CACNA1A: variants seen among roughly 807,000 people sequenced by gnomAD.
CACNA1A encodes voltage-dependent P/Q-type calcium channel subunit alpha-1A.
Under a neutral mutation model 262.4 loss-of-function variants are expected in CACNA1A, and 57 were observed. That is an observed-to-expected ratio of 0.22 (90% CI 0.18 to 0.27). The LOEUF (loss-of-function observed/expected upper bound fraction) is 0.27, where lower values mean the gene tolerates loss of function less well. Among genes scored for constraint, CACNA1A ranks in the 10% least tolerant of loss-of-function variants. The pLI is 1.00. For synonymous variants in CACNA1A, 1,431 were observed against 1,419.3 expected (o/e 1.01, Z -0.18); for missense variants, 2,526 against 3,562.8 (o/e 0.71, Z 7.41).
At chr19:13,404,885 ATAT>A (rs917162408) in intron 3 of CACNA1A, among the ~76,000 whole-genome samples, 5 of 152,012 alleles carry the variant, frequency 3.3e-5, no homozygotes, top group African/African-American at 1.2e-4. Context: ...GATAAAAATG[ATAT>A]TATTATTATT....
At chr19:13,251,001 G>GGCA (rs2056380363) in intron 30 of CACNA1A, among the ~76,000 whole-genome samples, 1 of 151,430 alleles carries the variant, frequency 6.6e-6, no homozygotes, top group East Asian at 2.0e-4. Context: ...GCATGCTGGT[G>GGCA]TGCATCTGTA....
chr19:13,279,135 G>C (rs768248204), intron 22 of CACNA1A, among the ~76,000 whole-genome samples: 1 of 152,150 alleles, frequency 6.6e-6, no homozygotes, highest in Non-Finnish European at 1.5e-5. Context: ...AAAGAAGGAA[G>C]AGAGGGAGCT....
intron 30 of CACNA1A, among the ~76,000 whole-genome samples, chr19:13,249,158 T>C (rs974278646): frequency 3.3e-5 from 5 of 152,192 alleles, no homozygotes; most frequent in African/African-American, 1.2e-4. Flanking sequence ...AGAGATGAGG[T>C]CTTGCTATGT....
chr19:13,320,868 A>AT (rs1426211017), intron 10 of CACNA1A, among the ~76,000 whole-genome samples: 1 of 152,104 alleles, frequency 6.6e-6, no homozygotes, highest in Non-Finnish European at 1.5e-5. Context: ...CATGGAATCA[A>AT]TATCAAGGTG....
rs115307156 is a variant in CACNA1A, at chr19:13,491,880, G to A, written c.293+14052C>T. 2.1e-3 allele frequency among the ~76,000 whole-genome samples: 324 copies of A among 152,174 alleles called. 2 individuals are homozygous for A. The highest frequency in any genetic ancestry group is 7.6e-3 in the African/African-American group (314 of 41,518). On this transcript the variant is annotated intron_variant, in intron 1 of 46. Transcript: ENST00000360228. ...GTCAGCACCAACAGAGGTACACAGAGGCGCACACACACTATTGCACTGGGG... is the reference window on the plus strand; with the variant it reads ...GTCAGCACCAACAGAGGTACACAGAAGCGCACACACACTATTGCACTGGGG...
chr19:13,448,108 A>G (rs1283538247), intron 3 of CACNA1A, among the ~76,000 whole-genome samples: 3 of 152,106 alleles, frequency 2.0e-5, no homozygotes, highest in African/African-American at 7.2e-5. Flanking sequence ...CAGGGCTGCA[A>G]AAGCCCATCA....
chr19:13,384,180 A>G (rs568463488), intron 3 of CACNA1A, among the ~76,000 whole-genome samples: 2 of 152,296 alleles, frequency 1.3e-5, no homozygotes, highest in East Asian at 3.9e-4. Flanking sequence ...CCACGAGGAC[A>G]GGGGCTTTTT....
At chr19:13,429,464 C>T (rs1331660656) in intron 3 of CACNA1A, among the ~76,000 whole-genome samples, 1 of 148,798 alleles carries the variant, frequency 6.7e-6, no homozygotes, top group African/African-American at 2.5e-5. Context: ...TTTTAAAAAA[C>T]GCTGACACGA....
At chr19:13,344,601 C>T (rs144511838) in intron 6 of CACNA1A, among the ~76,000 whole-genome samples, 117 of 152,272 alleles carry the variant, frequency 7.7e-4, no homozygotes, top group Middle Eastern at 3.4e-3. Flanking sequence ...TGATCATCAG[C>T]TCCTCCAGGG....
At chr19:13,451,641 A>C (rs1391638053) in intron 3 of CACNA1A, 1 of 152,202 alleles carries the variant, frequency 6.6e-6, no homozygotes, top group Non-Finnish European at 1.5e-5. Context: ...AGCCAATAGG[A>C]TATGAATGGA....
chr19:13,283,498 AC>A (rs1402029569), intron 21 of CACNA1A, 102 bp from the exon 22 acceptor site: 5 of 1,443,464 alleles, frequency 3.5e-6, no homozygotes, highest in East Asian at 2.4e-5. Flanking sequence ...GAGATCTCCA[AC>A]CCCCAAGGCC....
intron 44 of CACNA1A, 29 bp downstream of exon 44, chr19:13,210,588 G>A (rs369067716): frequency 2.4e-5 from 38 of 1,554,464 alleles, no homozygotes; most frequent in Non-Finnish European, 3.3e-5. Context: ...CCGGAGCCCT[G>A]CTGGGCGCTG....
rs150029315 is a variant in CACNA1A, at chr19:13,428,277, G to A, written c.539+24599C>T. 1.2e-4 allele frequency among the ~76,000 whole-genome samples: 18 copies of A among 152,282 alleles called. No individual in the cohort carries two copies. In the East Asian group the frequency reaches 2.7e-3, roughly 23 times the overall value. On this transcript the variant is annotated intron_variant, in intron 3 of 46. Transcript: ENST00000360228. ...TAGAAGATTAAATGGGTTAATATTT[G>A]TAAAGGGCTCATAGTAAATGCTAGT...
At chr19:13,360,509 A>T (rs1329807301) in intron 5 of CACNA1A, among the ~76,000 whole-genome samples, 14 of 127,594 alleles carry the variant, frequency 1.1e-4, no homozygotes, top group Non-Finnish European at 1.6e-4. Flanking sequence ...ACGGAGTCTC[A>T]TTCTGTCACC....
At chr19:13,216,097 T>C (rs1387910837) in intron 38 of CACNA1A, among the ~76,000 whole-genome samples, 2 of 151,576 alleles carry the variant, frequency 1.3e-5, no homozygotes, top group Non-Finnish European at 2.9e-5. Flanking sequence ...AGGAGGTCTT[T>C]TCCCCTTTCC....
intron 3 of CACNA1A, among the ~76,000 whole-genome samples, chr19:13,426,655 A>T (rs2060408325): frequency 6.6e-6 from 1 of 152,228 alleles, no homozygotes. Flanking sequence ...GGGCGTGGTT[A>T]ATAGCAGATT....
At position 13,234,907 on chromosome 19, in the gene CACNA1A, G is replaced by C. The variant is rs1489951571; in HGVS notation, c.5249+14C>G. On this transcript the variant is annotated intron_variant, in intron 34 of 46. Coordinates refer to ENST00000360228, the MANE Select transcript of CACNA1A (RefSeq NM_001127222.2). ...CCACGGAAACAGAATTATCAGAGCA[G>C]GTCCCCTTCTCACCGGAAGAGAAGC... is the stretch of plus-strand genomic sequence containing the variant. The C allele has an allele frequency of 6.4e-7, 1 of 1,557,910 alleles. No individual in the cohort carries two copies. Among genetic ancestry groups the C allele is most frequent in the Non-Finnish European group, 8.9e-7 (1 of 1,128,832 alleles).
intron 3 of CACNA1A, among the ~76,000 whole-genome samples, chr19:13,389,577 A>AT (rs2059677436): frequency 6.6e-6 from 1 of 151,540 alleles, no homozygotes; most frequent in Non-Finnish European, 1.5e-5. Flanking sequence ...TTATTCACAT[A>AT]TTTTTTCCCC....
chr19:13,247,459 C>T (rs1268533836), intron 30 of CACNA1A, among the ~76,000 whole-genome samples: 1 of 152,088 alleles, frequency 6.6e-6, no homozygotes, highest in African/African-American at 2.4e-5. Flanking sequence ...TTTGGGAGGC[C>T]GATGTGGGCG....
Sources: gnomAD v4.1 joint callset for allele counts (sites outside exome capture counted in the v4.1 genomes callset) on GRCh38, gnomAD v4.1.1 for gene constraint, MANE v1.5 for transcripts, NCBI Gene and HGNC (gene_info 2026-07-23, HGNC 2026-07-21) for gene names.